SH3BP4: variants seen among roughly 807,000 people sequenced by gnomAD.
SH3BP4 encodes the protein SH3 domain binding protein 4.
In SH3BP4, 33 loss-of-function variants were observed where a neutral mutation model predicts 65.5. The observed-to-expected ratio is 0.50, with a 90% CI of 0.38 to 0.67. The LOEUF (loss-of-function observed/expected upper bound fraction) is 0.67. Ranked by LOEUF, SH3BP4 falls within the 30% of genes least tolerant of loss-of-function variation. The pLI, the probability that SH3BP4 is intolerant of heterozygous loss-of-function variation, is 0.00. For synonymous variants in SH3BP4, 552 were observed against 545.5 expected, an observed-to-expected ratio of 1.01 and a Z score of -0.17; for missense variants, 1,134 against 1,261.4, an observed-to-expected ratio of 0.90 and a Z score of 1.53.
intron 1 of SH3BP4, among the ~76,000 whole-genome samples, chr2:234,970,432 G>A (rs900313887): frequency 3.9e-5 from 6 of 152,172 alleles, no homozygotes; most frequent in Admixed American, 1.3e-4. Context: ...TAGGTGACTC[G>A]ATAGGCCCAA....
intron 1 of SH3BP4, among the ~76,000 whole-genome samples, chr2:234,968,799 A>G (rs1692904615): frequency 1.3e-5 from 2 of 152,220 alleles, no homozygotes; most frequent in African/African-American, 4.8e-5. Flanking sequence ...CAATTTTACC[A>G]GTAGAGAAAT....
Position 235,046,050 on chromosome 2 carries a change from C to T in SH3BP4, c.2478+2803C>T, listed in dbSNP as rs1453906788. The stretch of plus-strand genomic sequence containing the variant: ...TAAGATCTGGCCCTACCCATCCCAA[C>T]CCTGGGGGCCACTGTGCTCTGTGCA... On this transcript the variant is annotated intron_variant, in intron 4 of 5. Transcript: ENST00000392011. This position sits in a 1 kb window ranked among gnomAD's most constrained non-coding sequence, Gnocchi z 4.2. 5.3e-5 allele frequency among the ~76,000 whole-genome samples: 8 copies of T among 152,196 alleles called. No homozygotes were observed. Among genetic ancestry groups the T allele is most frequent in the Admixed American group, 4.6e-4 (7 of 15,286 alleles).
rs1174594973 is a variant in SH3BP4 at position 235,046,475 on chromosome 2, G to A, written c.2478+3228G>A. Among the ~76,000 whole-genome samples the A allele has an allele frequency of 6.6e-6, 1 of 152,064 alleles. No homozygotes were observed. The highest frequency in any genetic ancestry group is 2.4e-5 in the African/African-American group (1 of 41,370). On this transcript the variant is annotated intron_variant, in intron 4 of 5. Transcript: ENST00000392011. The surrounding 1 kb of genome is among the most constrained non-coding windows in gnomAD (Gnocchi z 4.2). Reference sequence around the variant, plus strand: ...TAGTCCCAGCTACTTGGGAGGCTGAGGTGGGAGGATCACTTGAGCCCAGGA... The same window carrying A: ...TAGTCCCAGCTACTTGGGAGGCTGAAGTGGGAGGATCACTTGAGCCCAGGA...
intron 2 of SH3BP4, among the ~76,000 whole-genome samples, chr2:235,029,576 G>A (rs779579127): frequency 9.5e-5 from 14 of 147,466 alleles, no homozygotes; most frequent in East Asian, 3.8e-4. Context: ...CTCATGGCAC[G>A]TGCCTGGGAA....
rs927381002 is a variant in SH3BP4, at chr2:235,052,929, G to C, written c.2667+179G>C. Among the ~76,000 whole-genome samples the C allele has an allele frequency of 6.6e-6, 1 of 152,372 alleles. No individual in the cohort carries two copies. Among genetic ancestry groups the C allele is most frequent in the African/African-American group, 2.4e-5 (1 of 41,588 alleles). On this transcript the variant is annotated intron_variant, in intron 5 of 5. Transcript: ENST00000392011. The surrounding 1 kb of genome is among the most constrained non-coding windows in gnomAD (Gnocchi z 5.0). ...CCTCACTGAGTGGGAGCCATCCTCCGGATTGGTTGTCGTGAGCCCTGGCTT... is the reference window on the plus strand; with the variant it reads ...CCTCACTGAGTGGGAGCCATCCTCCCGATTGGTTGTCGTGAGCCCTGGCTT...
chr2:234,957,648 G>C (rs770786410), intron 1 of SH3BP4, among the ~76,000 whole-genome samples: 11 of 151,852 alleles, frequency 7.2e-5, no homozygotes, highest in Non-Finnish European at 1.3e-4. Flanking sequence ...CATGTTCCAG[G>C]CCCATCCCCA....
intron 1 of SH3BP4, among the ~76,000 whole-genome samples, chr2:234,971,386 A>G (rs886644504): frequency 6.6e-6 from 1 of 152,144 alleles, no homozygotes; most frequent in African/African-American, 2.4e-5. Flanking sequence ...TTATTTATCC[A>G]TTCATCTGTC....
intron 3 of SH3BP4, among the ~76,000 whole-genome samples, chr2:235,038,290 A>T (rs1481225865): frequency 3.0e-4 from 4 of 13,122 alleles, no homozygotes; most frequent in East Asian, 0.016. Flanking sequence ...ATTATATATA[A>T]TATATATATT....
intron 1 of SH3BP4, among the ~76,000 whole-genome samples, chr2:234,984,993 G>A (rs1574792216): frequency 1.3e-5 from 2 of 152,162 alleles, no homozygotes; most frequent in Admixed American, 1.3e-4. Flanking sequence ...CCCTAGAATT[G>A]TCTTTCTGGA....
Position 235,041,213 on chromosome 2 carries a change from CA to C in SH3BP4, c.450del (p.Val151TyrfsTer21), listed in dbSNP as rs1278487816. On this transcript the variant is annotated frameshift_variant, in exon 4 of 6. Transcript: ENST00000392011. LOFTEE classifies it high-confidence loss of function. The surrounding 1 kb of genome is among the most constrained non-coding windows in gnomAD (Gnocchi z 6.0). Reference protein sequence around the residue: ...LELLGGWTDDKKVPGRMYSNN... With the variant: ...LELLGGWTDDXKVPGRMYSNN... ...AGCTGCTCGGGGGATGGACAGATGA[CA>C]AAAAAGTACCAGGCAGAATGTACAG... 6.2e-7 allele frequency: 1 copy of C among 1,614,004 alleles called. No homozygotes were observed. The highest frequency in any genetic ancestry group is 1.7e-5 in the Admixed American group (1 of 60,012).
rs889755611 is a variant in SH3BP4, at chr2:234,997,368, G to A, written c.-133+1992G>A. 7.2e-5 allele frequency among the ~76,000 whole-genome samples: 11 copies of A among 152,146 alleles called. No individual in the cohort carries two copies. Among genetic ancestry groups the A allele is most frequent in the Non-Finnish European group, 1.5e-4 (10 of 68,030 alleles). On this transcript the variant is annotated intron_variant, in intron 2 of 5. Coordinates refer to ENST00000392011, the MANE Select transcript of SH3BP4 (RefSeq NM_014521.3). This position sits in a 1 kb window ranked among gnomAD's most constrained non-coding sequence, Gnocchi z 4.2. The stretch of plus-strand genomic sequence containing the variant: ...CCGAGTTTTGTCCGTGGCAAATTTC[G>A]TGATTTGCACATAGTTCCCACCTCA...
intron 2 of SH3BP4, among the ~76,000 whole-genome samples, chr2:235,018,736 C>T (rs758958640): frequency 2.0e-5 from 3 of 152,146 alleles, no homozygotes; most frequent in African/African-American, 2.4e-5. Flanking sequence ...ACCCATTTTC[C>T]TGAGTGACTG....
At chr2:234,965,690 G>A (rs911995041) in intron 1 of SH3BP4, among the ~76,000 whole-genome samples, 1 of 152,202 alleles carries the variant, frequency 6.6e-6, no homozygotes, top group Non-Finnish European at 1.5e-5. Context: ...CTGGGAAGAT[G>A]GGGGTTTTTT....
At chr2:234,970,541 G>A (rs1014481173) in intron 1 of SH3BP4, among the ~76,000 whole-genome samples, 2 of 152,226 alleles carry the variant, frequency 1.3e-5, no homozygotes, top group East Asian at 3.8e-4. Flanking sequence ...AACTTCGGGT[G>A]TGCATAACTC....
Position 235,034,483 on chromosome 2 carries a change from G to A in SH3BP4, c.-132-388G>A, listed in dbSNP as rs1695306840. ...CAGCCACTCTGAACAAGCAGAGGCC[G>A]ATTTTTCCTTTTCCGAGCCCTGCAG... On this transcript the variant is annotated intron_variant, in intron 2 of 5. Transcript: ENST00000392011. The surrounding 1 kb of genome is among the most constrained non-coding windows in gnomAD (Gnocchi z 6.2). 1.3e-5 allele frequency among the ~76,000 whole-genome samples: 2 copies of A among 152,154 alleles called. No individual in the cohort carries two copies. The highest frequency in any genetic ancestry group is 2.4e-5 in the African/African-American group (1 of 41,432).
chr2:235,030,897 G>C lies in SH3BP4; in HGVS notation c.-132-3974G>C, dbSNP rs541936343. Among the ~76,000 whole-genome samples the C allele has an allele frequency of 3.3e-4, 50 of 152,218 alleles. No individual in the cohort carries two copies. The highest frequency in any genetic ancestry group is 6.8e-3 in the Middle Eastern group (2 of 294). ...CACCAGGGCTGGCTGCCCTCTTTCT[G>C]TACTGTAAAAACGGCCCCAAGGGTG... On this transcript the variant is annotated intron_variant, in intron 2 of 5. Coordinates refer to ENST00000392011, the MANE Select transcript of SH3BP4 (RefSeq NM_014521.3). This position sits in a 1 kb window ranked among gnomAD's most constrained non-coding sequence, Gnocchi z 4.1.
chr2:235,014,549 T>A (rs1006065516), intron 2 of SH3BP4, among the ~76,000 whole-genome samples: 15 of 152,158 alleles, frequency 9.9e-5, no homozygotes, highest in African/African-American at 3.1e-4. Context: ...CTATTCTCAG[T>A]TCGGGAAGCC....
At chr2:235,004,343 G>A (rs1694226112) in intron 2 of SH3BP4, among the ~76,000 whole-genome samples, 1 of 151,958 alleles carries the variant, frequency 6.6e-6, no homozygotes, top group African/African-American at 2.4e-5. Flanking sequence ...CTTCTTTACA[G>A]GGTTTCATTA....
In SH3BP4 at chr2:235,002,009, C is replaced by T. The variant is rs542187320; in HGVS notation, c.-133+6633C>T. Among the ~76,000 whole-genome samples the T allele has an allele frequency of 2.0e-3, 308 of 151,874 alleles. 3 individuals are homozygous for T. The highest frequency in any genetic ancestry group is 7.4e-3 in the African/African-American group (304 of 41,238). On this transcript the variant is annotated intron_variant, in intron 2 of 5. Coordinates refer to ENST00000392011, the MANE Select transcript of SH3BP4 (RefSeq NM_014521.3). ...CAGAGTAGCTGGGATTACAGGTGTG[C>T]GCCACCACACCTGGCTAATTTTTGT...
Sources: gnomAD v4.1 joint callset for allele counts (sites outside exome capture counted in the v4.1 genomes callset) on GRCh38, gnomAD v4.1.1 for gene constraint, Gnocchi (gnomAD v3.1) non-coding constraint, MANE v1.5 for transcripts, NCBI Gene and HGNC (gene_info 2026-07-23, HGNC 2026-07-21) for gene names.